F8: variants seen among roughly 807,000 people sequenced by gnomAD.
F8 encodes the protein coagulation factor VIII.
F8 carries 12 observed loss-of-function variants against 140.6 expected under a neutral mutation model. The observed-to-expected ratio is 0.09, with a 90% CI of 0.05 to 0.14. F8 has a LOEUF of 0.14. F8 is among the 10% of genes least tolerant of loss of function. F8 has a pLI of 1.00. For synonymous variants in F8, 585 were observed against 614.6 expected, an observed-to-expected ratio of 0.95 and a Z score of 0.71; for missense variants, 1,354 against 1,720.7, an observed-to-expected ratio of 0.79 and a Z score of 3.77.
At position 154,863,241 on chromosome X, in the gene F8, T is replaced by A. The variant is rs2072707908; in HGVS notation, c.6430-14A>T. On this transcript the variant is annotated splice_polypyrimidine_tract_variant and intron_variant, in intron 22 of 25. Coordinates refer to ENST00000360256, the MANE Select transcript of F8 (RefSeq NM_000132.4). Reference sequence around the variant, plus strand: ...GCCAAAGAAGACCTGTATGGAGAGATTAGCACAAATACATGGAAAGTGAAT... The same window carrying A: ...GCCAAAGAAGACCTGTATGGAGAGAATAGCACAAATACATGGAAAGTGAAT... 8.3e-7 allele frequency: 1 copy of A among 1,200,645 alleles called. No homozygotes were observed. Among genetic ancestry groups the A allele is most frequent in the African/African-American group, 1.8e-5 (1 of 57,085 alleles).
chrX:154,968,232 T>A (rs1435848400), intron 7 of F8, among the ~76,000 whole-genome samples: 2 of 111,328 alleles, frequency 1.8e-5, no homozygotes, highest in Non-Finnish European at 3.8e-5. Context: ...CTGGGGAAAG[T>A]GTTCATGGGA....
At position 155,004,245 on chromosome X, in the gene F8, T is replaced by A. The variant is rs1267464231; in HGVS notation, c.144-4645A>T. Among the ~76,000 whole-genome samples the A allele has an allele frequency of 5.4e-5, 6 of 111,636 alleles. No homozygotes were observed. The East Asian group carries it at 1.7e-3, about 31-fold the overall frequency. On this transcript the variant is annotated intron_variant, in intron 1 of 25. Transcript: ENST00000360256. ...AATTCTGAACTCTGTGAAAGTATCC[T>A]TCAAAAATGAAGGAGAAATAAAAAC...
rs1557278533 is a variant in F8, at chrX:154,929,832, T to C, written c.3958A>G (p.Thr1320Ala). 8.3e-7 allele frequency: 1 copy of C among 1,211,914 alleles called. No individual in the cohort carries two copies. The highest frequency in any genetic ancestry group is 1.8e-5 in the South Asian group (1 of 56,998). ...TGCGTGACAAAATTCTGCTGGCTTG[T>C]ATTAGGAGATATCCTTGTGGTGCAT... Reference protein sequence around the residue: ...YACTTRISPNTSQQNFVTQRS... With the variant: ...YACTTRISPNASQQNFVTQRS... Residue 1320 changes from threonine to alanine, a missense_variant, in exon 14 of 26, where the codon ACA becomes GCA. Thr to Ala is a moderately conservative substitution (Grantham distance 58, BLOSUM62 0). Coordinates refer to ENST00000360256, the MANE Select transcript of F8 (RefSeq NM_000132.4).
At chrX:154,936,023 C>CACAA (rs1338414054) in intron 13 of F8, among the ~76,000 whole-genome samples, 6 of 93,680 alleles carry the variant, frequency 6.4e-5, no homozygotes, top group African/African-American at 1.1e-4. Flanking sequence ...CACACACACA[C>CACAA]AAAAATCAAA....
At chrX:154,876,715 T>C (rs1347962164) in intron 22 of F8, among the ~76,000 whole-genome samples, 1 of 111,403 alleles carries the variant, frequency 9.0e-6, no homozygotes, top group Non-Finnish European at 1.9e-5. Flanking sequence ...AGAGCTAGTA[T>C]AATTAAATCC....
chrX:155,017,634 A>G (rs1284957419), intron 1 of F8, among the ~76,000 whole-genome samples: 2 of 111,971 alleles, frequency 1.8e-5, no homozygotes, highest in Non-Finnish European at 3.8e-5. Context: ...CACCTTAAAT[A>G]TATACAACTT....
chrX:154,861,715 T>C lies in F8; in HGVS notation c.6723+3A>G. ...GTTAAACAGTAAATCTGTTGCCTCT[T>C]ACCTGAGGTCTCCAGGCATTACTCC... On this transcript the variant is annotated splice_donor_region_variant and intron_variant, in intron 24 of 25. Transcript: ENST00000360256. 2.5e-6 allele frequency: 3 copies of C among 1,211,504 alleles called. No homozygotes were observed. Among genetic ancestry groups the C allele is most frequent in the Non-Finnish European group, 3.4e-6 (3 of 895,233 alleles).
intron 13 of F8, among the ~76,000 whole-genome samples, chrX:154,939,135 G>A (rs2073241127): frequency 9.0e-6 from 1 of 111,320 alleles, no homozygotes; most frequent in African/African-American, 3.3e-5. Context: ...GAGGTACCGG[G>A]TTCATCTTAC....
chrX:154,897,439 T>G (rs1056117532), intron 21 of F8: 3 of 112,700 alleles, frequency 2.7e-5, no homozygotes, highest in Non-Finnish European at 5.6e-5. Flanking sequence ...AGCCCTGCCC[T>G]CATGGAACTT....
chrX:155,020,116 A>G (rs1557287372), intron 1 of F8, among the ~76,000 whole-genome samples: 1 of 110,648 alleles, frequency 9.0e-6, no homozygotes, highest in African/African-American at 3.3e-5. Flanking sequence ...GATTGCTTTC[A>G]CCCACCAGAT....
intron 21 of F8, chrX:154,897,638 C>G (rs2072989036): frequency 8.9e-6 from 1 of 112,185 alleles, no homozygotes; most frequent in Admixed American, 9.4e-5. Context: ...ATTTTAACCT[C>G]TTGGTATTGT....
intron 6 of F8, among the ~76,000 whole-genome samples, chrX:154,980,045 C>T (rs2073509520): frequency 9.0e-6 from 1 of 111,639 alleles, no homozygotes; most frequent in South Asian, 3.8e-4. Context: ...GGCAAACAGG[C>T]CTTATTTCTC....
chrX:154,906,708 G>C, intron 14 of F8, 135 bp from the exon 15 acceptor site: 2 of 576,687 alleles, frequency 3.5e-6, no homozygotes, highest in Non-Finnish European at 5.6e-6. Context: ...AAATACTCTT[G>C]CCAAGCTTTA....
intron 14 of F8, among the ~76,000 whole-genome samples, chrX:154,918,573 G>A (rs2124027249): frequency 9.2e-6 from 1 of 108,313 alleles, no homozygotes; most frequent in African/African-American, 3.4e-5. Flanking sequence ...AGCTTGGGAA[G>A]GGGATGCTGC....
intron 22 of F8, among the ~76,000 whole-genome samples, chrX:154,872,800 C>A (rs966902480): frequency 4.3e-4 from 48 of 110,451 alleles, no homozygotes; most frequent in Non-Finnish European, 8.8e-4. Flanking sequence ...TCTAAAGACT[C>A]AAAAAAAAAT....
intron 2 of F8, among the ~76,000 whole-genome samples, chrX:154,998,586 G>A (rs1216442978): frequency 8.9e-6 from 1 of 112,288 alleles, no homozygotes; most frequent in Non-Finnish European, 1.9e-5. Flanking sequence ...TCTTGGCATG[G>A]GATATACCTT....
chrX:154,927,906 C>A (rs1157998392), intron 14 of F8, among the ~76,000 whole-genome samples: 1 of 112,027 alleles, frequency 8.9e-6, no homozygotes. Flanking sequence ...ATGACCACCA[C>A]AGCTAATGTA....
At chrX:155,001,376 G>A (rs1163315947) in intron 1 of F8, among the ~76,000 whole-genome samples, 1 of 97,705 alleles carries the variant, frequency 1.0e-5, no homozygotes, top group Non-Finnish European at 2.0e-5. Context: ...GTGCAGTGGC[G>A]AGATCCACCT....
chrX:154,942,298 G>A (rs1557279857), intron 13 of F8, among the ~76,000 whole-genome samples: 2 of 110,545 alleles, frequency 1.8e-5, no homozygotes, highest in Middle Eastern at 4.7e-3. Context: ...AAAGAGAGAA[G>A]AATCAAATAG....
Sources: gnomAD v4.1 joint callset for allele counts (sites outside exome capture counted in the v4.1 genomes callset) on GRCh38, gnomAD v4.1.1 for gene constraint, MANE v1.5 for transcripts, NCBI Gene and HGNC (gene_info 2026-07-23, HGNC 2026-07-21) for gene names.